Variants in CYP2C18 observed in about 807,000 individuals in gnomAD.
CYP2C18 encodes cytochrome P450 family 2 subfamily C member 18.
In CYP2C18, 38 loss-of-function variants were observed where a neutral mutation model predicts 41.3. The ratio of observed to expected loss-of-function variants is 0.92; its 90% CI spans 0.71 to 1.21. The LOEUF (loss-of-function observed/expected upper bound fraction) is 1.21, where lower values mean the gene tolerates loss of function less well. Ranked by LOEUF, CYP2C18 falls within the 50% of genes most tolerant of loss-of-function variation. The pLI is 0.00. For synonymous variants in CYP2C18, 236 were observed against 210.0 expected (o/e 1.12, Z -1.07); for missense variants, 635 against 591.4 (o/e 1.07, Z -0.77).
At chr10:94,699,933 C>G (rs984875509) in intron 4 of CYP2C18, among the ~76,000 whole-genome samples, 1 of 152,082 alleles carries the variant, frequency 6.6e-6, no homozygotes, top group Non-Finnish European at 1.5e-5. Flanking sequence ...ATGTGAAGGA[C>G]CTCTTCAAGG....
chr10:94,696,667 C>T (rs1020441018), intron 4 of CYP2C18, among the ~76,000 whole-genome samples: 23 of 151,636 alleles, frequency 1.5e-4, no homozygotes, highest in African/African-American at 3.6e-4. Context: ...AGACTTCAGA[C>T]GATCAAACTA....
intron 8 of CYP2C18, 94 bp from the exon 9 acceptor site, chr10:94,735,169 A>G (rs1478603512): frequency 1.2e-5 from 15 of 1,273,834 alleles, no homozygotes; most frequent in East Asian, 2.4e-5. Flanking sequence ...CCATCCATCT[A>G]TTTAATCATT....
Position 94,728,179 on chromosome 10 carries a change from C to T in CYP2C18, c.1149+3646C>T, listed in dbSNP as rs76037615. On this transcript the variant is annotated intron_variant, in intron 7 of 8. Coordinates refer to ENST00000285979, the MANE Select transcript of CYP2C18 (RefSeq NM_000772.3). ...AATACACTGACAGTTTTTAAAAGTC[C>T]TGTCCCCTTGTTATGTAAAATGTTG... 4.9e-4 allele frequency among the ~76,000 whole-genome samples: 75 copies of T among 152,092 alleles called. No homozygotes were observed. The East Asian group carries it at 0.014, about 27-fold the overall frequency.
intron 4 of CYP2C18, among the ~76,000 whole-genome samples, chr10:94,700,758 A>C (rs1279284500): frequency 6.6e-6 from 1 of 152,212 alleles, no homozygotes; most frequent in Non-Finnish European, 1.5e-5. Context: ...ATCTACAATG[A>C]ACTCAAACTA....
At chr10:94,716,956 G>A (rs769543205) in intron 5 of CYP2C18, among the ~76,000 whole-genome samples, 4 of 151,954 alleles carry the variant, frequency 2.6e-5, no homozygotes, top group South Asian at 2.1e-4. Context: ...TGTGTCTTTC[G>A]ATCTTTGTTG....
intron 4 of CYP2C18, among the ~76,000 whole-genome samples, chr10:94,695,280 T>C (rs912239115): frequency 6.6e-6 from 1 of 152,186 alleles, no homozygotes; most frequent in African/African-American, 2.4e-5. Flanking sequence ...CTCCTAATGC[T>C]ATCCCTCCCT....
At chr10:94,704,014 G>A (rs188040632) in intron 4 of CYP2C18, among the ~76,000 whole-genome samples, 1 of 152,312 alleles carries the variant, frequency 6.6e-6, no homozygotes, top group East Asian at 1.9e-4. Context: ...CTTCCTGGGT[G>A]AGCCAATTCC....
chr10:94,714,486 G>A (rs758978355), intron 5 of CYP2C18, among the ~76,000 whole-genome samples: 27 of 152,146 alleles, frequency 1.8e-4, no homozygotes, highest in Non-Finnish European at 2.2e-4. Flanking sequence ...TCAGATGGTT[G>A]TAGATGTGCG....
chr10:94,719,545 G>A, intron 5 of CYP2C18, among the ~76,000 whole-genome samples: 1 of 151,686 alleles, frequency 6.6e-6, no homozygotes, highest in Non-Finnish European at 1.5e-5. Context: ...TGGGACCACA[G>A]ATATGTGCAA....
intron 4 of CYP2C18, among the ~76,000 whole-genome samples, chr10:94,700,386 C>T (rs1201508521): frequency 6.6e-6 from 1 of 152,166 alleles, no homozygotes; most frequent in African/African-American, 2.4e-5. Flanking sequence ...GAGAGGATTC[C>T]CTATTTAATA....
intron 4 of CYP2C18, among the ~76,000 whole-genome samples, chr10:94,698,353 A>T (rs1320721254): frequency 2.6e-5 from 4 of 152,230 alleles, no homozygotes; most frequent in Non-Finnish European, 5.9e-5. Flanking sequence ...AACTACATGG[A>T]AACTGAACAA....
At chr10:94,707,073 GTATAGAT>G in intron 5 of CYP2C18, 113 bp downstream of exon 5, 1 of 713,148 alleles carries the variant, frequency 1.4e-6, no homozygotes, top group Non-Finnish European at 2.3e-6. Context: ...CTTACCATGT[GTATAGAT>G]CTGGATGAAG....
rs1847700211 is a variant in CYP2C18 at position 94,724,422 on chromosome 10, C to G, written c.1038C>G (p.Pro346=). 5.0e-6 allele frequency: 8 copies of G among 1,613,600 alleles called. No individual in the cohort carries two copies. Among genetic ancestry groups the G allele is most frequent in the Non-Finnish European group, 6.8e-6 (8 of 1,179,712 alleles). ...SPCMQDRSHM[P]YTDAVVHEIQ... Reference sequence around the variant, plus strand: ...GTATGCAGGACAGGAGTCACATGCCCTACACAGATGCTGTGGTGCACGAGA... The same window carrying G: ...GTATGCAGGACAGGAGTCACATGCCGTACACAGATGCTGTGGTGCACGAGA... Residue 346 remains proline, a synonymous_variant, in exon 7 of 9, where the codon CCC becomes CCG. Coordinates refer to ENST00000285979, the MANE Select transcript of CYP2C18 (RefSeq NM_000772.3).
intron 6 of CYP2C18, among the ~76,000 whole-genome samples, chr10:94,723,392 C>T (rs1847679685): frequency 6.6e-6 from 1 of 151,862 alleles, no homozygotes; most frequent in Non-Finnish European, 1.5e-5. Flanking sequence ...ACATTAAGGG[C>T]AAAGAAAAGT....
chr10:94,684,098 G>A (rs1846838670), intron 1 of CYP2C18, 111 bp downstream of exon 1: 5 of 707,004 alleles, frequency 7.1e-6, no homozygotes, highest in Non-Finnish European at 1.1e-5. Context: ...ATATTAATGG[G>A]GTACAATATT....
intron 6 of CYP2C18, 125 bp downstream of exon 6, chr10:94,720,662 T>C (rs1847631720): frequency 1.1e-6 from 1 of 941,422 alleles, no homozygotes; most frequent in Non-Finnish European, 1.6e-6. Flanking sequence ...CCATTGGCTC[T>C]AAGTTGTCTA....
chr10:94,727,444 A>C (rs1847758861), intron 7 of CYP2C18, among the ~76,000 whole-genome samples: 1 of 152,058 alleles, frequency 6.6e-6, no homozygotes, highest in East Asian at 1.9e-4. Context: ...GTGAAACTCT[A>C]TCTCTACAAA....
At chr10:94,691,954 G>T (rs185944777) in intron 3 of CYP2C18, among the ~76,000 whole-genome samples, 2,601 of 152,256 alleles carry the variant, frequency 0.017, 92 homozygotes, top group African/African-American at 0.06. Flanking sequence ...ATGGTGCTGG[G>T]AAAACTGGCT....
rs7900850 is a variant in CYP2C18 at position 94,727,242 on chromosome 10, T to A, written c.1149+2709T>A. ...ACCATTTAAGGTGGGTGTAATTTCA[T>A]TTGGCTAAACATTTACTTGCGTGGA... On this transcript the variant is annotated intron_variant, in intron 7 of 8. Transcript: ENST00000285979. Among the ~76,000 whole-genome samples the A allele has an allele frequency of 4.6e-3, 701 of 152,282 alleles. 4 individuals are homozygous for A. The highest frequency in any genetic ancestry group is 0.016 in the African/African-American group (670 of 41,566).
Sources: allele counts gnomAD v4.1 joint callset (sites outside exome capture counted in the v4.1 genomes callset), GRCh38; gene constraint gnomAD v4.1.1; transcripts MANE v1.5; gene names NCBI Gene and HGNC (gene_info 2026-07-23, HGNC 2026-07-21).